The following MID1 variants were observed in gnomAD, a reference collection of about 807,000 sequenced individuals.
The protein encoded by MID1 is E3 ubiquitin-protein ligase Midline-1.
A neutral mutation model predicts 40.4 loss-of-function variants in MID1; 7 were observed. The observed-to-expected ratio is 0.17, with a 90% CI of 0.10 to 0.33. The LOEUF (loss-of-function observed/expected upper bound fraction) is 0.33, where lower values mean the gene tolerates loss of function less well. MID1 is among the 10% of genes least tolerant of loss of function. The pLI is 1.00. For synonymous variants in MID1, 229 were observed against 221.2 expected, an observed-to-expected ratio of 1.04 and a Z score of -0.31; for missense variants, 367 against 558.5, an observed-to-expected ratio of 0.66 and a Z score of 3.46.
intron 1 of MID1, among the ~76,000 whole-genome samples, chrX:10,579,279 T>C (rs953792880): frequency 6.2e-5 from 7 of 112,173 alleles, no homozygotes; most frequent in African/African-American, 2.3e-4. Flanking sequence ...GCAAGTATAA[T>C]AGATTGTGCC....
chrX:10,672,519 T>G (rs1485474664), intron 1 of MID1, among the ~76,000 whole-genome samples: 1 of 110,479 alleles, frequency 9.1e-6, no homozygotes, highest in Non-Finnish European at 1.9e-5. Context: ...ATGTGACGAA[T>G]GAAGCAGAGT....
At chrX:10,586,421 G>A (rs1308276831) in intron 1 of MID1, among the ~76,000 whole-genome samples, 3 of 111,407 alleles carry the variant, frequency 2.7e-5, no homozygotes, top group African/African-American at 9.8e-5. Context: ...TACAGCTCTC[G>A]GTCTACTGAT....
chrX:10,549,472 T>C (rs1046369765), intron 2 of MID1, among the ~76,000 whole-genome samples: 2 of 113,464 alleles, frequency 1.8e-5, no homozygotes, highest in Non-Finnish European at 3.7e-5. Flanking sequence ...TAGAGCTTCA[T>C]TGGCAGCCTG....
intron 3 of MID1, among the ~76,000 whole-genome samples, chrX:10,498,833 G>A (rs1411584396): frequency 8.9e-6 from 1 of 112,083 alleles, no homozygotes; most frequent in Non-Finnish European, 1.9e-5. Context: ...TGTATGAACA[G>A]GCCACTTTTT....
intron 1 of MID1, among the ~76,000 whole-genome samples, chrX:10,578,795 G>A (rs1031547988): frequency 6.3e-5 from 7 of 111,723 alleles, no homozygotes; most frequent in African/African-American, 2.3e-4. Context: ...CAGACCAACA[G>A]CGTGATGGTA....
chrX:10,755,709 A>G (rs919727033), intron 1 of MID1, among the ~76,000 whole-genome samples: 4 of 112,088 alleles, frequency 3.6e-5, no homozygotes, highest in African/African-American at 1.3e-4. Flanking sequence ...CAATTTCCCC[A>G]TGGACTCCTG....
At chrX:10,826,838 G>A (rs1398404090) in intron 1 of MID1, among the ~76,000 whole-genome samples, 1 of 112,479 alleles carries the variant, frequency 8.9e-6, no homozygotes, top group African/African-American at 3.2e-5. Flanking sequence ...TTAGCACACA[G>A]GATGATGCCT....
chrX:10,619,239 T>A (rs936038541), intron 1 of MID1, among the ~76,000 whole-genome samples: 1 of 112,199 alleles, frequency 8.9e-6, no homozygotes, highest in Non-Finnish European at 1.9e-5. Flanking sequence ...CGCTCTTAAA[T>A]GGAAAGCTCA....
At chrX:10,826,698 T>C (rs1195370530) in intron 1 of MID1, among the ~76,000 whole-genome samples, 3 of 111,802 alleles carry the variant, frequency 2.7e-5, no homozygotes, top group Non-Finnish European at 5.6e-5. Flanking sequence ...TACAATCACA[T>C]GGCAACATAT....
intron 2 of MID1, among the ~76,000 whole-genome samples, chrX:10,527,390 T>G (rs1220522540): frequency 8.9e-6 from 1 of 111,893 alleles, no homozygotes; most frequent in Non-Finnish European, 1.9e-5. Flanking sequence ...CCATAATGTA[T>G]GGATAATGAT....
At chrX:10,456,917 C>T (rs1216821930) in intron 8 of MID1, among the ~76,000 whole-genome samples, 2 of 111,873 alleles carry the variant, frequency 1.8e-5, no homozygotes, top group Non-Finnish European at 1.9e-5. Flanking sequence ...AGGGATTGGA[C>T]ATTCTCAGAG....
intron 1 of MID1, among the ~76,000 whole-genome samples, chrX:10,688,808 A>G (rs1032847952): frequency 4.5e-5 from 5 of 111,827 alleles, no homozygotes; most frequent in Non-Finnish European, 9.4e-5. Flanking sequence ...TTGAGAAAAG[A>G]AAAAGTTCAG....
chrX:10,499,256 T>C (rs1443796383), intron 3 of MID1, among the ~76,000 whole-genome samples: 1 of 111,926 alleles, frequency 8.9e-6, no homozygotes, highest in East Asian at 2.8e-4. Context: ...GTTGGAGATA[T>C]GACTATTCGG....
At chrX:10,620,965 G>T (rs1216172408), upstream of MID1, among the ~76,000 whole-genome samples, 1 of 111,926 alleles carries the variant, frequency 8.9e-6, no homozygotes, top group African/African-American at 3.3e-5. Context: ...CAAAAGACTG[G>T]AAAGGAAACC....
intron 1 of MID1, among the ~76,000 whole-genome samples, chrX:10,732,269 AC>A (rs1200570087): frequency 2.7e-5 from 3 of 111,938 alleles, no homozygotes; most frequent in South Asian, 3.7e-4. Context: ...CTTTTTAAAA[AC>A]AATTATGTAA....
At chrX:10,704,703 C>A (rs868864517) in intron 1 of MID1, among the ~76,000 whole-genome samples, 1 of 77,475 alleles carries the variant, frequency 1.3e-5, no homozygotes, top group African/African-American at 5.2e-5. Context: ...TATATATATG[C>A]ATGTGTGTGT....
chrX:10,670,296 T>C (rs779075544), intron 1 of MID1, among the ~76,000 whole-genome samples: 49 of 112,157 alleles, frequency 4.4e-4, no homozygotes, highest in Non-Finnish European at 7.7e-4. Flanking sequence ...ACCACATTCC[T>C]TTCAGTAATA....
chrX:10,675,381 C>T (rs2043015789), intron 1 of MID1, among the ~76,000 whole-genome samples: 1 of 111,587 alleles, frequency 9.0e-6, no homozygotes, highest in African/African-American at 3.3e-5. Context: ...CAAAGATTAC[C>T]ACCCTGTCTT....
In MID1 at chrX:10,482,333, T is replaced by C. The variant is rs1484008189; in HGVS notation, c.1013+147A>G. 3.3e-5 allele frequency: 21 copies of C among 642,206 alleles called. No homozygotes were observed. In the East Asian group the frequency reaches 6.2e-4, roughly 19 times the overall value. 52.9% of individuals were successfully genotyped at this position (642,206 alleles called of 1,213,427 possible). A position where few individuals can be genotyped will look rare whatever the true frequency, so the allele number is the denominator to read the frequency against. Reference sequence around the variant, plus strand: ...CATGTCAAAAGGAAGCATCTTTAGCTGGAACAAAACAGCTCAAAGCCTCTA... The same window carrying C: ...CATGTCAAAAGGAAGCATCTTTAGCCGGAACAAAACAGCTCAAAGCCTCTA... On this transcript the variant is annotated intron_variant, in intron 5 of 9. Transcript: ENST00000317552.
Sources: allele counts gnomAD v4.1 joint callset (sites outside exome capture counted in the v4.1 genomes callset), GRCh38; gene constraint gnomAD v4.1.1; transcripts MANE v1.5; gene names NCBI Gene and HGNC (gene_info 2026-07-23, HGNC 2026-07-21).